Variants in LYPLAL1 observed in about 807,000 individuals in gnomAD.
LYPLAL1 encodes lysophospholipase-like protein 1.
Under a neutral mutation model 19.7 loss-of-function variants are expected in LYPLAL1, and 23 were observed. The observed-to-expected ratio is 1.17, with a 90% confidence interval of 0.84 to 1.65. The LOEUF (loss-of-function observed/expected upper bound fraction) is 1.65. LYPLAL1 is among the 40% of genes most tolerant of loss of function. The pLI is 0.00. For missense variants in LYPLAL1, 355 were observed against 279.4 expected (o/e 1.27, Z -1.93); for synonymous variants, 119 against 96.3 (o/e 1.24, Z -1.38).
chr1:219,410,897 G>A, the LYPLAL1 span, among the ~76,000 whole-genome samples: 2 of 152,220 alleles, frequency 1.3e-5, no homozygotes, highest in African/African-American at 4.8e-5. Flanking sequence ...ACGGGGCAGG[G>A]CTCGGGACCT....
the LYPLAL1 span, among the ~76,000 whole-genome samples, chr1:219,410,761 G>A: frequency 6.6e-6 from 1 of 152,388 alleles, no homozygotes; most frequent in African/African-American, 2.4e-5. Flanking sequence ...AGCCAGCCCT[G>A]CTGGCCCCGG....
chr1:219,263,769 C>T, the LYPLAL1 span, among the ~76,000 whole-genome samples: 5 of 152,154 alleles, frequency 3.3e-5, no homozygotes, highest in African/African-American at 7.2e-5. Flanking sequence ...TTCAGTTCTA[C>T]GTAAGGTTAA....
At chr1:219,307,042 G>GTATA in the LYPLAL1 span, among the ~76,000 whole-genome samples, 490 of 42,552 alleles carry the variant, frequency 0.012, 3 homozygotes, top group African/African-American at 0.031. Flanking sequence ...ATATATATAT[G>GTATA]TATATATATA....
the LYPLAL1 span, among the ~76,000 whole-genome samples, chr1:219,430,224 T>C: frequency 6.9e-6 from 1 of 144,708 alleles, no homozygotes. Context: ...AAGCCCAGGA[T>C]GTCAAGGCTA....
chr1:219,358,528 G>A, the LYPLAL1 span, among the ~76,000 whole-genome samples: 1 of 152,100 alleles, frequency 6.6e-6, no homozygotes, highest in Non-Finnish European at 1.5e-5. Context: ...CCACCAGGCT[G>A]GGGAGGCCTC....
chr1:219,397,657 C>T, the LYPLAL1 span, among the ~76,000 whole-genome samples: 1 of 152,070 alleles, frequency 6.6e-6, no homozygotes, highest in African/African-American at 2.4e-5. Context: ...GTCACTGGTT[C>T]ATGTATTTAT....
chr1:219,191,728 A>G (rs1657196785), intron 2 of LYPLAL1, among the ~76,000 whole-genome samples: 1 of 151,484 alleles, frequency 6.6e-6, no homozygotes, highest in Admixed American at 6.6e-5. Flanking sequence ...CATCTAAACA[A>G]TGTATATATA....
At chr1:219,282,774 A>G in the LYPLAL1 span, among the ~76,000 whole-genome samples, 1 of 152,208 alleles carries the variant, frequency 6.6e-6, no homozygotes, top group Non-Finnish European at 1.5e-5. Context: ...ATTTAAAATA[A>G]TTTTGTCATG....
rs1656065057 is a variant in LYPLAL1 at position 219,179,243 on chromosome 1, C to G, written c.188C>G (p.Pro63Arg). The G allele has an allele frequency of 6.3e-7, 1 of 1,599,368 alleles. No individual in the cohort carries two copies. The highest frequency in any genetic ancestry group is 1.3e-5 in the African/African-American group (1 of 74,326). Residue 63 changes from proline to arginine, a missense_variant, in exon 2 of 5, where the codon CCC becomes CGC. Physicochemically the swap from Pro to Arg is moderately radical, Grantham distance 103. Transcript: ENST00000366928. ...HIKIIYPTAP[P>R]RSYTPMKGGI... Reference sequence around the variant, plus strand: ...AAAATTATTTATCCAACAGCTCCTCCCAGGTATGCAGTAATTTATCTCACT... The same window carrying G: ...AAAATTATTTATCCAACAGCTCCTCGCAGGTATGCAGTAATTTATCTCACT...
the LYPLAL1 span, among the ~76,000 whole-genome samples, chr1:219,442,873 T>G: frequency 6.6e-6 from 1 of 152,170 alleles, no homozygotes; most frequent in East Asian, 1.9e-4. Flanking sequence ...ATCTTCCGAC[T>G]TCAAAGATTG....
the LYPLAL1 span, among the ~76,000 whole-genome samples, chr1:219,377,163 A>G: frequency 2.0e-5 from 3 of 152,244 alleles, no homozygotes; most frequent in African/African-American, 7.2e-5. Context: ...CATCCAAAAG[A>G]AATTCTGACA....
the LYPLAL1 span, among the ~76,000 whole-genome samples, chr1:219,434,618 A>C: frequency 6.6e-6 from 1 of 152,182 alleles, no homozygotes; most frequent in Non-Finnish European, 1.5e-5. Flanking sequence ...CTACCTGAAA[A>C]ATGCCTTTTC....
chr1:219,337,511 T>G, the LYPLAL1 span, among the ~76,000 whole-genome samples: 1 of 151,996 alleles, frequency 6.6e-6, no homozygotes. Flanking sequence ...CATGGGAGAT[T>G]TGCAAGTAAG....
At chr1:219,199,993 T>C (rs1657961886) in intron 3 of LYPLAL1, 1 of 233,636 alleles carries the variant, frequency 4.3e-6, no homozygotes, top group African/African-American at 2.3e-5. Context: ...CCTGGACAGC[T>C]AGCTGCTTCC....
the LYPLAL1 span, among the ~76,000 whole-genome samples, chr1:219,363,008 C>G: frequency 6.6e-6 from 1 of 151,940 alleles, no homozygotes; most frequent in Admixed American, 6.6e-5. Flanking sequence ...CCTTTTAACA[C>G]ACTTCATTGT....
At chr1:219,288,633 C>T in the LYPLAL1 span, among the ~76,000 whole-genome samples, 42,670 of 151,996 alleles carry the variant, frequency 0.28, 7,364 homozygotes, top group Non-Finnish European at 0.4. Context: ...TAAGCATGAA[C>T]CTTAAGGGAA....
At chr1:219,352,866 CAGT>C in the LYPLAL1 span, among the ~76,000 whole-genome samples, 2 of 152,320 alleles carry the variant, frequency 1.3e-5, no homozygotes, top group African/African-American at 4.8e-5. Flanking sequence ...CTGTCTTTCT[CAGT>C]ACTGATTCTT....
At chr1:219,174,818 T>TC (rs1260081082) in intron 1 of LYPLAL1, 1 of 775,292 alleles carries the variant, frequency 1.3e-6, no homozygotes, top group Non-Finnish European at 1.6e-6. Context: ...GCAGCCGGTG[T>TC]CCTCAGGGGG....
the LYPLAL1 span, among the ~76,000 whole-genome samples, chr1:219,439,081 C>CTGAACTATT: frequency 6.6e-6 from 1 of 152,032 alleles, no homozygotes; most frequent in African/African-American, 2.4e-5. Context: ...AAACTCATTT[C>CTGAACTATT]TGAACTATTT....
Sources: allele counts gnomAD v4.1 joint callset (sites outside exome capture counted in the v4.1 genomes callset), GRCh38; gene constraint gnomAD v4.1.1; transcripts MANE v1.5; gene names NCBI Gene and HGNC (gene_info 2026-07-23, HGNC 2026-07-21).